The following RIC8A variants were observed in gnomAD, a reference collection of about 807,000 sequenced individuals.
The protein encoded by RIC8A is RIC8 guanine nucleotide exchange factor A, also known as chaperone Ric-8A.
A neutral mutation model predicts 48.4 loss-of-function variants in RIC8A; 37 were observed. That is an observed-to-expected ratio of 0.77 (90% CI 0.59 to 1.01). The LOEUF (loss-of-function observed/expected upper bound fraction) is 1.01. Ranked by LOEUF, RIC8A falls within the 50% of genes least tolerant of loss-of-function variation. RIC8A has a pLI of 0.00. For synonymous variants in RIC8A, 288 were observed against 283.4 expected, an observed-to-expected ratio of 1.02 and a Z score of -0.16; for missense variants, 681 against 696.8, an observed-to-expected ratio of 0.98 and a Z score of 0.25.
rs750737252 is a variant in RIC8A, at chr11:212,823, G to A, written c.1211-14G>A. The A allele has an allele frequency of 6.8e-6, 11 of 1,607,772 alleles. No individual in the cohort carries two copies. In the South Asian group the frequency reaches 7.8e-5, roughly 11 times the overall value. ...CAGCCAGGCTTGCACACTGACCTCT[G>A]CCTTGCCCCTCAGTGCCCCGATTCA... On this transcript the variant is annotated splice_polypyrimidine_tract_variant and intron_variant, in intron 7 of 9. Coordinates refer to ENST00000526104, the MANE Select transcript of RIC8A (RefSeq NM_001286134.2).
chr11:214,484 C>G lies in RIC8A; in HGVS notation c.*134C>G. 1 of 1,071,758 alleles carries G rather than the reference C, an allele frequency of 9.3e-7. No homozygotes were observed. Among genetic ancestry groups the G allele is most frequent in the South Asian group, 1.4e-5 (1 of 74,070 alleles). The allele number at this position is 1,071,758 out of a possible 1,614,324, so 66.4% of individuals were successfully genotyped here. ...CTTCTCCATCTTAGAAACCCCTTCT[C>G]TTGACTCCCGTTCTGTTCATGATTT... On this transcript the variant is annotated 3_prime_UTR_variant, in exon 10 of 10. Transcript: ENST00000526104.
intron 9 of RIC8A, 51 bp from the exon 10 acceptor site, chr11:214,179 G>T (rs1855465929): frequency 5.0e-6 from 8 of 1,592,480 alleles, no homozygotes; most frequent in African/African-American, 2.7e-5. Flanking sequence ...TAGGACCCCT[G>T]CCTGGCCAAC....
At chr11:210,838 A>G (rs761631093) in intron 4 of RIC8A, 176 bp downstream of exon 4, 11 of 656,076 alleles carry the variant, frequency 1.7e-5, no homozygotes, top group Admixed American at 1.3e-4. Context: ...GAATGTGCCA[A>G]CTGGGCCTTG....
chr11:213,325 A>C lies in RIC8A; in HGVS notation c.1382A>C (p.Glu461Ala). ...ASINPVTGRV[E>A]EKPPNPMEGM... ...ATAAACCCTGTGACCGGGAGGGTGG[A>C]GGAGAAGCCGCCTAACCCTATGGAG... Residue 461 changes from glutamate (E) to alanine (A), a missense_variant, in exon 9 of 10, where the codon GAG becomes GCG. Coordinates refer to ENST00000526104, the MANE Select transcript of RIC8A (RefSeq NM_001286134.2). The C allele has an allele frequency of 6.2e-7, 1 of 1,613,920 alleles. No homozygotes were observed.
In RIC8A at chr11:213,341, C is replaced by G; in HGVS notation, c.1398C>G (p.Asn466Lys). 1 of 1,613,778 alleles carries G rather than the reference C, an allele frequency of 6.2e-7. No homozygotes were observed. Among genetic ancestry groups the G allele is most frequent in the Non-Finnish European group, 8.5e-7 (1 of 1,179,890 alleles). ...GGAGGGTGGAGGAGAAGCCGCCTAACCCTATGGAGGGCATGACAGAGGAGC... is the reference window on the plus strand; with the variant it reads ...GGAGGGTGGAGGAGAAGCCGCCTAAGCCTATGGAGGGCATGACAGAGGAGC... ...VTGRVEEKPPNPMEGMTEEQK... is the reference protein window; with the variant it reads ...VTGRVEEKPPKPMEGMTEEQK... Residue 466 changes from asparagine to lysine, a missense_variant, in exon 9 of 10, where the codon AAC becomes AAG. By Grantham distance (94) the Asn-to-Lys change is moderately conservative (BLOSUM62 0). Coordinates refer to ENST00000526104, the MANE Select transcript of RIC8A (RefSeq NM_001286134.2).
In RIC8A at chr11:208,806, C is replaced by A; in HGVS notation, c.-49C>A. The A allele has an allele frequency of 1.3e-6, 2 of 1,512,600 alleles. No homozygotes were observed. Among genetic ancestry groups the A allele is most frequent in the Non-Finnish European group, 1.8e-6 (2 of 1,109,956 alleles). 93.7% of individuals were successfully genotyped at this position (1,512,600 alleles called of 1,614,324 possible). A position where few individuals can be genotyped will look rare whatever the true frequency, so the allele number is the denominator to read the frequency against. ...GGGCCAGGGCGGGGCCGGCGAACTG[C>A]GGCCCGGAACGGCTGAGGAAGGGCC... On this transcript the variant is annotated 5_prime_UTR_variant, in exon 1 of 10. Coordinates refer to ENST00000526104, the MANE Select transcript of RIC8A (RefSeq NM_001286134.2). The surrounding 1 kb of genome is among the most constrained non-coding windows in gnomAD (Gnocchi z 4.8).
intron 8 of RIC8A, 104 bp downstream of exon 8, chr11:213,085 C>T: frequency 1.4e-6 from 2 of 1,425,864 alleles, no homozygotes; most frequent in Non-Finnish European, 1.9e-6. Context: ...GACAAATGGG[C>T]AAGAGCTTCC....
chr11:214,811 G>A lies in RIC8A; in HGVS notation c.*461G>A, dbSNP rs748441793. ...GAAAACCTGTCAGAACTTTCCATAC[G>A]AGTATATCAGAACACACCCTTCCAA... is the stretch of plus-strand genomic sequence containing the variant. On this transcript the variant is annotated 3_prime_UTR_variant, in exon 10 of 10. Coordinates refer to ENST00000526104, the MANE Select transcript of RIC8A (RefSeq NM_001286134.2). 1.2e-5 allele frequency: 4 copies of A among 335,774 alleles called. No individual in the cohort carries two copies. Among genetic ancestry groups the A allele is most frequent in the Admixed American group, 8.8e-5 (2 of 22,802 alleles). The allele number at this position is 335,774 out of a possible 1,614,324, so 20.8% of individuals were successfully genotyped here.
At position 208,678 on chromosome 11, in the gene RIC8A, G is replaced by A. The variant is rs1855252116; in HGVS notation, c.-177G>A. ...CTCCGAGCCGCCAGTTCTGCCTCAGGCCGCGCCCCCTTAAAGCGCCACCAG... is the reference window on the plus strand; with the variant it reads ...CTCCGAGCCGCCAGTTCTGCCTCAGACCGCGCCCCCTTAAAGCGCCACCAG... On this transcript the variant is annotated 5_prime_UTR_variant, in exon 1 of 10. Transcript: ENST00000526104. This position sits in a 1 kb window ranked among gnomAD's most constrained non-coding sequence, Gnocchi z 4.8. 2.0e-6 allele frequency: 1 copy of A among 511,858 alleles called. No individual in the cohort carries two copies. The highest frequency in any genetic ancestry group is 4.3e-5 in the Admixed American group (1 of 23,442). The allele number at this position is 511,858 out of a possible 1,614,324, so 31.7% of individuals were successfully genotyped here.
Position 214,348 on chromosome 11 carries a change from T to A in RIC8A, c.1594T>A (p.Ter532ArgextTer46). Residue 532 changes from the stop codon to arginine (R), a stop_lost, in exon 10 of 10, where the codon TGA becomes AGA. Coordinates refer to ENST00000526104, the MANE Select transcript of RIC8A (RefSeq NM_001286134.2). ...LSSDPDSDPD[*>R] is the part of the protein sequence containing the mutation. ...CTCGGACCCTGACTCGGACCCTGAC[T>A]GAGGATGGCAGCTCTTCTGCTCCCC... 3.1e-6 allele frequency: 5 copies of A among 1,594,986 alleles called. No homozygotes were observed. Among genetic ancestry groups the A allele is most frequent in the Non-Finnish European group, 4.3e-6 (5 of 1,170,396 alleles).
At position 212,934 on chromosome 11, in the gene RIC8A, AGAG is replaced by A; in HGVS notation, c.1311_1313del (p.Glu437del). ...GAGGCCGGCCCGAGGGCCAGTACTC[AGAG>A]GATGAGGACACAGACACAGATGAGT... On this transcript the variant is annotated inframe_deletion, in exon 8 of 10. Transcript: ENST00000526104. 1 of 1,595,006 alleles carries A rather than the reference AGAG, an allele frequency of 6.3e-7. No homozygotes were observed. The highest frequency in any genetic ancestry group is 8.5e-7 in the Non-Finnish European group (1 of 1,170,998).
Position 214,427 on chromosome 11 carries a change from G to A in RIC8A, c.*77G>A, listed in dbSNP as rs528110384. ...TTCCTTGGGGTTGCAACCTGGGGAA[G>A]CCACATCCCACTGGATCCACACCCG... On this transcript the variant is annotated 3_prime_UTR_variant, in exon 10 of 10. Coordinates refer to ENST00000526104, the MANE Select transcript of RIC8A (RefSeq NM_001286134.2). 2.0e-6 allele frequency: 3 copies of A among 1,533,550 alleles called. No individual in the cohort carries two copies. The African/African-American group carries it at 4.1e-5, about 21-fold the overall frequency. The allele number at this position is 1,533,550 out of a possible 1,614,324, so 95.0% of individuals were successfully genotyped here.
rs765509716 is a variant in RIC8A, at chr11:209,992, G to A, written c.718G>A (p.Val240Met). ...NITLDSIKGE[V>M]DEEDAALYRH... ...CACCCTGGACTCCATCAAGGGGGAG[G>A]TGGACGAGGTGAGCACTGACCTTAA... Residue 240 changes from valine (V) to methionine (M), a missense_variant, in exon 3 of 10, where the codon GTG becomes ATG. Coordinates refer to ENST00000526104, the MANE Select transcript of RIC8A (RefSeq NM_001286134.2). 1.6e-5 allele frequency: 25 copies of A among 1,584,948 alleles called. No homozygotes were observed. The highest frequency in any genetic ancestry group is 6.7e-5 in the Admixed American group (4 of 59,478).
chr11:209,995 G>C lies in RIC8A; in HGVS notation c.721G>C (p.Asp241His). The C allele has an allele frequency of 6.3e-7, 1 of 1,584,042 alleles. No homozygotes were observed. Among genetic ancestry groups the C allele is most frequent in the Non-Finnish European group, 8.6e-7 (1 of 1,169,438 alleles). The part of the protein sequence containing the change: ...ITLDSIKGEV[D>H]EEDAALYRHL... ...CCTGGACTCCATCAAGGGGGAGGTGGACGAGGTGAGCACTGACCTTAACCC... is the reference window on the plus strand; with the variant it reads ...CCTGGACTCCATCAAGGGGGAGGTGCACGAGGTGAGCACTGACCTTAACCC... The change falls in exon 3 of 10, where the codon GAC (aspartate) becomes CAC (histidine). Residue 241 changes from aspartate (D) to histidine (H), a missense_variant. Asp to His is a moderately conservative substitution (Grantham distance 81). Transcript: ENST00000526104.
rs1471694126 is a variant in RIC8A, at chr11:208,150, T to G, written c.-705T>G. The stretch of plus-strand genomic sequence containing the variant: ...GGCCAGACTGGGTTGCTCCCCTTTC[T>G]CTCGGCCCCTCCACCTTTGCAAGTG... On this transcript the variant is annotated 5_prime_UTR_variant, in exon 1 of 10. Coordinates refer to ENST00000526104, the MANE Select transcript of RIC8A (RefSeq NM_001286134.2). The surrounding 1 kb of genome is among the most constrained non-coding windows in gnomAD (Gnocchi z 4.8). 2 of 152,412 alleles carry G rather than the reference T, an allele frequency of 1.3e-5. No individual in the cohort carries two copies. Among genetic ancestry groups the G allele is most frequent in the South Asian group, 4.1e-4 (2 of 4,892 alleles). The allele number at this position is 152,412 out of a possible 1,614,324, so 9.4% of individuals were successfully genotyped here.
At chr11:209,204 G>A in intron 1 of RIC8A, 67 bp from the exon 2 acceptor site, 3 of 1,595,746 alleles carry the variant, frequency 1.9e-6, no homozygotes, top group Non-Finnish European at 2.6e-6. Context: ...AGGCCAATAG[G>A]CCGCCCGCAT....
At position 214,315 on chromosome 11, in the gene RIC8A, C is replaced by T. The variant is rs779468666; in HGVS notation, c.1561C>T (p.Gln521Ter). ...QDAMCETMEQ[Q>*]LSSDPDSDPD The stretch of plus-strand genomic sequence containing the variant: ...TGCCATGTGCGAGACTATGGAGCAG[C>T]AGCTCTCCTCGGACCCTGACTCGGA... Residue 521 changes from glutamine (Q) to a stop codon, truncating the protein, a stop_gained, in exon 10 of 10, where the codon CAG becomes TAG. Coordinates refer to ENST00000526104, the MANE Select transcript of RIC8A (RefSeq NM_001286134.2). LOFTEE classifies it high-confidence loss of function. 6.2e-7 allele frequency: 1 copy of T among 1,611,532 alleles called. No homozygotes were observed. Among genetic ancestry groups the T allele is most frequent in the Non-Finnish European group, 8.5e-7 (1 of 1,178,916 alleles).
Position 212,615 on chromosome 11 carries a change from G to A in RIC8A, c.1066G>A (p.Val356Met), listed in dbSNP as rs1332891536. The change falls in exon 7 of 10, where the codon GTG becomes ATG. Residue 356 changes from valine to methionine, a missense_variant and splice_region_variant. Transcript: ENST00000526104. Reference sequence around the variant, plus strand: ...AGCTTAGGGATGGCCACCTCCCCAGGTGCTGCCCCCTCTGCGGGATGTGAG... The same window carrying A: ...AGCTTAGGGATGGCCACCTCCCCAGATGCTGCCCCCTCTGCGGGATGTGAG... ...RPARKFLKAQ[V>M]LPPLRDVRTR... The A allele has an allele frequency of 1.2e-6, 2 of 1,613,832 alleles. No homozygotes were observed. The highest frequency in any genetic ancestry group is 1.7e-6 in the Non-Finnish European group (2 of 1,179,956).
Position 209,635 on chromosome 11 carries a change from C to T in RIC8A, c.361C>T (p.Leu121=). The change falls in exon 3 of 10, where the codon CTG becomes TTG. Residue 121 remains leucine (L), a synonymous_variant. Coordinates refer to ENST00000526104, the MANE Select transcript of RIC8A (RefSeq NM_001286134.2). ...TGTTGTACTGGAGTCCCTCAAGTGC[C>T]TGTGCAACCTCGTGCTCAGCAGCCC... is the stretch of plus-strand genomic sequence containing the variant. ...MDVVLESLKC[L]CNLVLSSPVA... The T allele has an allele frequency of 6.2e-7, 1 of 1,614,052 alleles. No individual in the cohort carries two copies. The highest frequency in any genetic ancestry group is 1.7e-5 in the Admixed American group (1 of 60,028).
Sources: allele counts gnomAD v4.1 joint callset, GRCh38; gene constraint gnomAD v4.1.1; non-coding constraint Gnocchi (gnomAD v3.1); transcripts MANE v1.5; gene names NCBI Gene and HGNC (gene_info 2026-07-23, HGNC 2026-07-21).